ATXN3: variants seen among roughly 807,000 people sequenced by gnomAD.
The protein encoded by ATXN3 is ataxin 3, also known as ataxin-3.
A neutral mutation model predicts 58.2 loss-of-function variants in ATXN3; 28 were observed. The ratio of observed to expected loss-of-function variants is 0.48; its 90% CI spans 0.36 to 0.66. ATXN3 has a LOEUF of 0.66. Among genes scored for constraint, ATXN3 ranks in the 30% least tolerant of loss-of-function variants. The pLI is 0.00. For synonymous variants in ATXN3, 113 were observed against 138.5 expected, an observed-to-expected ratio of 0.82 and a Z score of 1.29; for missense variants, 321 against 422.1, an observed-to-expected ratio of 0.76 and a Z score of 2.10.
intron 3 of ATXN3, among the ~76,000 whole-genome samples, chr14:92,094,182 C>T (rs879473965): frequency 1.1e-4 from 17 of 152,168 alleles, no homozygotes; most frequent in African/African-American, 4.1e-4. Context: ...CCTTGTGATC[C>T]ACCCGCCTGG....
chr14:92,092,022 T>C (rs964682586), intron 5 of ATXN3, among the ~76,000 whole-genome samples: 2 of 152,088 alleles, frequency 1.3e-5, no homozygotes, highest in Non-Finnish European at 2.9e-5. Context: ...ATTTGTATAC[T>C]GTACTCCCAT....
chr14:92,097,190 T>C (rs987894441), intron 1 of ATXN3, among the ~76,000 whole-genome samples: 1 of 151,646 alleles, frequency 6.6e-6, no homozygotes, highest in African/African-American at 2.4e-5. Context: ...ATTACAGGCG[T>C]GAGCCACTGC....
intron 10 of ATXN3, among the ~76,000 whole-genome samples, chr14:92,064,682 A>G (rs1014880148): frequency 7.2e-5 from 11 of 152,108 alleles, no homozygotes; most frequent in Non-Finnish European, 1.6e-4. Flanking sequence ...AGCCACCAGT[A>G]TATTCTCTGT....
chr14:92,103,857 C>T (rs2141334725), intron 1 of ATXN3, among the ~76,000 whole-genome samples: 1 of 152,326 alleles, frequency 6.6e-6, no homozygotes, highest in South Asian at 2.1e-4. Context: ...AGTTGGTTCT[C>T]TGGCTCTCCA....
chr14:92,085,346 C>G (rs1178793573), intron 6 of ATXN3, among the ~76,000 whole-genome samples: 1 of 151,914 alleles, frequency 6.6e-6, no homozygotes, highest in Non-Finnish European at 1.5e-5. Context: ...AACACCACAC[C>G]CAGTTAATTT....
At chr14:92,046,792 G>T (rs2057429987) in intron 2 of ATXN3, among the ~76,000 whole-genome samples, 1 of 152,140 alleles carries the variant, frequency 6.6e-6, no homozygotes, top group South Asian at 2.1e-4. Context: ...AAGGTGTTGG[G>T]GTTTGAGAGA....
chr14:92,044,988 T>C (rs2057419650), intron 2 of ATXN3: 2 of 152,206 alleles, frequency 1.3e-5, no homozygotes. Context: ...ATTAGCAGCC[T>C]GGTGGATTTC....
intron 9 of ATXN3, among the ~76,000 whole-genome samples, chr14:92,074,113 G>T (rs971284499): frequency 1.1e-4 from 17 of 151,408 alleles, no homozygotes; most frequent in African/African-American, 4.1e-4. Context: ...GATCACCTGA[G>T]GTCAGGAGTT....
Position 92,096,090 on chromosome 14 carries a change from T to C in ATXN3, c.234+3A>G. 6.3e-7 allele frequency: 1 copy of C among 1,584,386 alleles called. No individual in the cohort carries two copies. The highest frequency in any genetic ancestry group is 8.6e-7 in the Non-Finnish European group (1 of 1,160,134). On this transcript the variant is annotated splice_donor_region_variant and intron_variant, in intron 3 of 10. Coordinates refer to ENST00000644486, the MANE Select transcript of ATXN3 (RefSeq NM_004993.6). ...CACATAGTACATGCTTGTGACTACTTACCTGAATAGAGAAAAAACCACTGT... is the reference window on the plus strand; with the variant it reads ...CACATAGTACATGCTTGTGACTACTCACCTGAATAGAGAAAAAACCACTGT...
At chr14:92,086,816 CA>C (rs539873020) in intron 6 of ATXN3, among the ~76,000 whole-genome samples, 2 of 120,890 alleles carry the variant, frequency 1.7e-5, no homozygotes, top group African/African-American at 3.4e-5. Context: ...AGGAATATTA[CA>C]AAAAAAGGGG....
At position 92,083,302 on chromosome 14, in the gene ATXN3, G is replaced by C. The variant is rs1176121123; in HGVS notation, c.476-44C>G. The C allele has an allele frequency of 1.9e-6, 3 of 1,548,824 alleles. No individual in the cohort carries two copies. In the African/African-American group the frequency reaches 4.2e-5, roughly 22 times the overall value. On this transcript the variant is annotated intron_variant, in intron 6 of 10. Coordinates refer to ENST00000644486, the MANE Select transcript of ATXN3 (RefSeq NM_004993.6). Reference sequence around the variant, plus strand: ...AATCAACCTAACCAGTTAGTAAAGAGATTCAAAATTGATGTAAAACACTAG... The same window carrying C: ...AATCAACCTAACCAGTTAGTAAAGACATTCAAAATTGATGTAAAACACTAG...
chr14:92,065,647 C>T (rs541222335), intron 10 of ATXN3, among the ~76,000 whole-genome samples: 1 of 152,028 alleles, frequency 6.6e-6, no homozygotes, highest in Non-Finnish European at 1.5e-5. Flanking sequence ...TTTGGGAAGC[C>T]GAGGTGGGCG....
chr14:92,089,478 A>T (rs1057497081), intron 5 of ATXN3, among the ~76,000 whole-genome samples: 1 of 151,328 alleles, frequency 6.6e-6, no homozygotes, highest in Non-Finnish European at 1.5e-5. Flanking sequence ...AGCTGGGACT[A>T]CAGGCGCACG....
At chr14:92,095,945 A>G in intron 3 of ATXN3, 148 bp downstream of exon 3, 1 of 598,880 alleles carries the variant, frequency 1.7e-6, no homozygotes, top group Non-Finnish European at 2.9e-6. Flanking sequence ...CTGTCTCAAG[A>G]AAAAAAAAAT....
At chr14:92,080,140 C>T (rs2061198190) in intron 9 of ATXN3, among the ~76,000 whole-genome samples, 1 of 152,142 alleles carries the variant, frequency 6.6e-6, no homozygotes, top group African/African-American at 2.4e-5. Context: ...TTAGCAAGCA[C>T]TTACAAGGCT....
chr14:92,056,984 G>A (rs936527795), downstream of ATXN3, among the ~76,000 whole-genome samples: 3 of 152,176 alleles, frequency 2.0e-5, no homozygotes, highest in African/African-American at 7.2e-5. Context: ...AAGCCAAAAT[G>A]GTGATGAAAG....
chr14:92,062,497 C>T lies in ATXN3; in HGVS notation c.*1823G>A, dbSNP rs748079715. The T allele has an allele frequency of 2.0e-5, 3 of 152,068 alleles. No homozygotes were observed. In the South Asian group the frequency reaches 6.2e-4, roughly 31 times the overall value. The allele number at this position is 152,068 out of a possible 1,614,324, so 9.4% of individuals were successfully genotyped here. On this transcript the variant is annotated 3_prime_UTR_variant, in exon 11 of 11. Transcript: ENST00000644486. ...GAACAAATATCCATGGAAAATATGA[C>T]AAACACACTGGTAATAATTAACATA...
intron 2 of ATXN3, chr14:92,096,361 A>C: frequency 6.3e-5 from 87 of 1,379,714 alleles, no homozygotes; most frequent in Non-Finnish European, 7.7e-5. Context: ...GTGGTGGCTC[A>C]CACCTATAAT....
downstream of ATXN3, among the ~76,000 whole-genome samples, chr14:92,054,822 G>A (rs562204247): frequency 2.0e-5 from 3 of 152,160 alleles, no homozygotes; most frequent in East Asian, 5.8e-4. Flanking sequence ...CACATTTCTT[G>A]AAGATGAGAG....
Sources: allele counts gnomAD v4.1 joint callset (sites outside exome capture counted in the v4.1 genomes callset), GRCh38; gene constraint gnomAD v4.1.1; transcripts MANE v1.5; gene names NCBI Gene and HGNC (gene_info 2026-07-23, HGNC 2026-07-21).